Variants in PRKAR2A observed in about 807,000 individuals in gnomAD.
The protein encoded by PRKAR2A is cAMP-dependent protein kinase type II-alpha regulatory subunit.
In PRKAR2A, 29 loss-of-function variants were observed where a neutral mutation model predicts 51.9. The ratio of observed to expected loss-of-function variants is 0.56; its 90% CI spans 0.42 to 0.76. PRKAR2A has a LOEUF of 0.76. PRKAR2A is among the 30% of genes least tolerant of loss of function. The pLI, the probability that PRKAR2A is intolerant of heterozygous loss-of-function variation, is 0.00. For synonymous variants in PRKAR2A, 178 were observed against 186.2 expected (o/e 0.96, Z 0.36); for missense variants, 445 against 512.1 (o/e 0.87, Z 1.26).
Position 48,829,621 on chromosome 3 carries a change from C to T in PRKAR2A, c.262+17714G>A, listed in dbSNP as rs1159769555. Among the ~76,000 whole-genome samples, 4 of 127,620 alleles carry T rather than the reference C, an allele frequency of 3.1e-5. No individual in the cohort carries two copies. In the East Asian group the frequency reaches 7.7e-4, roughly 24 times the overall value. 83.7% of individuals were successfully genotyped at this position (127,620 alleles called of 152,430 possible). The stretch of plus-strand genomic sequence containing the variant: ...ACACACATAAATGTGTGTGTGTATA[C>T]GTGTGTATACACACACATAAATGTG... On this transcript the variant is annotated intron_variant, in intron 1 of 10. Coordinates refer to ENST00000265563, the MANE Select transcript of PRKAR2A (RefSeq NM_004157.4).
At chr3:48,833,798 G>A (rs1464264644) in intron 1 of PRKAR2A, among the ~76,000 whole-genome samples, 3 of 151,234 alleles carry the variant, frequency 2.0e-5, no homozygotes, top group African/African-American at 7.3e-5. Context: ...CACTTTGGGA[G>A]GCCAAGGAAG....
chr3:48,787,347 G>A (rs1032287916), intron 4 of PRKAR2A, among the ~76,000 whole-genome samples: 14 of 151,974 alleles, frequency 9.2e-5, no homozygotes, highest in African/African-American at 3.1e-4. Context: ...CACCAAGCCT[G>A]GCTAATTTTT....
intron 4 of PRKAR2A, among the ~76,000 whole-genome samples, chr3:48,787,476 G>A (rs889909409): frequency 4.6e-5 from 7 of 152,052 alleles, no homozygotes; most frequent in East Asian, 1.9e-4. Flanking sequence ...ATGAGCCACC[G>A]TGCCCGTCCA....
chr3:48,774,378 A>C (rs1439242731), intron 5 of PRKAR2A, among the ~76,000 whole-genome samples: 1 of 152,014 alleles, frequency 6.6e-6, no homozygotes, highest in Non-Finnish European at 1.5e-5. Flanking sequence ...AAAACATTAG[A>C]ACTTGCCAGG....
At chr3:48,767,605 C>T (rs2081959601) in intron 6 of PRKAR2A, among the ~76,000 whole-genome samples, 1 of 152,134 alleles carries the variant, frequency 6.6e-6, no homozygotes, top group South Asian at 2.1e-4. Context: ...GCCTGGGCAA[C>T]ACAATGAGAC....
At chr3:48,783,673 C>T (rs749932548) in intron 4 of PRKAR2A, among the ~76,000 whole-genome samples, 35 of 152,120 alleles carry the variant, frequency 2.3e-4, no homozygotes, top group Middle Eastern at 3.2e-3. Context: ...CTCTACCTCC[C>T]GAGTTCAAGC....
rs557024179 is a variant in PRKAR2A at position 48,761,621 on chromosome 3, A to AT, written c.873+3382dup. On this transcript the variant is annotated intron_variant, in intron 8 of 10. Coordinates refer to ENST00000265563, the MANE Select transcript of PRKAR2A (RefSeq NM_004157.4). ...ATCTACTGAAAGTTTTTATTTATTT[A>AT]TTTTTTTTGAGACCAAGTCTTGCTC... Among the ~76,000 whole-genome samples the AT allele has an allele frequency of 9.9e-5, 15 of 151,962 alleles. No homozygotes were observed. The South Asian group carries it at 2.1e-3, about 21-fold the overall frequency.
At chr3:48,752,404 A>T in intron 9 of PRKAR2A, 87 bp from the exon 10 acceptor site, 1 of 1,376,098 alleles carries the variant, frequency 7.3e-7, no homozygotes, top group Admixed American at 2.2e-5. Context: ...TGTTCTCAGC[A>T]TACTCTACAC....
chr3:48,752,196 A>G lies in PRKAR2A; in HGVS notation c.1061T>C (p.Val354Ala), dbSNP rs1311610691. ...NKPRAASAYA[V>A]GDVKCLVMDV... is the part of the protein sequence containing the mutation. ...CTTACCTAAGCATTTGACATCTCCA[A>G]CTGCATAAGCTGAGGCAGCTCTGGG... Residue 354 changes from valine (V) to alanine (A), a missense_variant, in exon 10 of 11, where the codon GTT (valine) becomes GCT (alanine). By Grantham distance (64) the Val-to-Ala change is moderately conservative. Transcript: ENST00000265563. The G allele has an allele frequency of 6.2e-6, 10 of 1,613,564 alleles. No homozygotes were observed. Among genetic ancestry groups the G allele is most frequent in the East Asian group, 2.2e-5 (1 of 44,896 alleles).
chr3:48,845,771 A>AC (rs774523512), intron 1 of PRKAR2A, among the ~76,000 whole-genome samples: 1 of 151,878 alleles, frequency 6.6e-6, no homozygotes, highest in African/African-American at 2.4e-5. Flanking sequence ...ACACAGGGAG[A>AC]CCCCGTCTCT....
At chr3:48,759,578 G>A (rs2081832593) in intron 8 of PRKAR2A, among the ~76,000 whole-genome samples, 1 of 152,050 alleles carries the variant, frequency 6.6e-6, no homozygotes, top group African/African-American at 2.4e-5. Context: ...GTAGAGACAG[G>A]GTTTCTCCAT....
At chr3:48,770,259 CA>C (rs1397577598) in intron 6 of PRKAR2A, among the ~76,000 whole-genome samples, 1 of 152,148 alleles carries the variant, frequency 6.6e-6, no homozygotes, top group Non-Finnish European at 1.5e-5. Flanking sequence ...CAGAGGCAAG[CA>C]AACACCCCTG....
chr3:48,773,721 C>A (rs1445908107), intron 5 of PRKAR2A, among the ~76,000 whole-genome samples: 1 of 151,216 alleles, frequency 6.6e-6, no homozygotes, highest in Non-Finnish European at 1.5e-5. Flanking sequence ...TCCTTTTTTT[C>A]CCCCCATCTT....
At chr3:48,828,702 T>C (rs2083112146) in intron 1 of PRKAR2A, among the ~76,000 whole-genome samples, 2 of 102,000 alleles carry the variant, frequency 2.0e-5, no homozygotes, top group Non-Finnish European at 3.6e-5. Flanking sequence ...AGCGAGCCCC[T>C]GTCTCCAAAA....
At chr3:48,767,677 C>A (rs879733445) in intron 6 of PRKAR2A, among the ~76,000 whole-genome samples, 1 of 152,092 alleles carries the variant, frequency 6.6e-6, no homozygotes, top group Non-Finnish European at 1.5e-5. Context: ...ATAATCCCAG[C>A]ACTTTGGGAG....
intron 1 of PRKAR2A, among the ~76,000 whole-genome samples, chr3:48,840,559 G>A (rs375945271): frequency 9.5e-6 from 1 of 105,392 alleles, no homozygotes; most frequent in Non-Finnish European, 1.9e-5. Flanking sequence ...TACCTGGTTT[G>A]TTTTCACCTT....
At chr3:48,831,090 C>T (rs559551512) in intron 1 of PRKAR2A, among the ~76,000 whole-genome samples, 16 of 152,168 alleles carry the variant, frequency 1.1e-4, no homozygotes, top group African/African-American at 3.4e-4. Context: ...GGTGGGGACC[C>T]GGGATGTACT....
intron 1 of PRKAR2A, among the ~76,000 whole-genome samples, chr3:48,810,249 C>T (rs1424593780): frequency 2.0e-5 from 3 of 152,014 alleles, no homozygotes; most frequent in African/African-American, 7.2e-5. Context: ...TACACACACA[C>T]ACACGTATAG....
At chr3:48,844,731 G>A (rs1047629005) in intron 1 of PRKAR2A, among the ~76,000 whole-genome samples, 6 of 149,508 alleles carry the variant, frequency 4.0e-5, no homozygotes, top group African/African-American at 9.8e-5. Flanking sequence ...GTAAACTATC[G>A]CAAGGACAAA....
Sources: gnomAD v4.1 joint callset for allele counts (sites outside exome capture counted in the v4.1 genomes callset) on GRCh38, gnomAD v4.1.1 for gene constraint, MANE v1.5 for transcripts, NCBI Gene and HGNC (gene_info 2026-07-23, HGNC 2026-07-21) for gene names.